Variants in PCDHA1 observed in about 807,000 individuals in gnomAD.
PCDHA1 encodes protocadherin alpha-1.
PCDHA1 carries 42 observed loss-of-function variants against 61.3 expected under a neutral mutation model. The observed-to-expected ratio is 0.69, with a 90% CI of 0.54 to 0.89. The LOEUF (loss-of-function observed/expected upper bound fraction) is 0.89, where lower values mean the gene tolerates loss of function less well. Ranked by LOEUF, PCDHA1 falls within the 40% of genes least tolerant of loss-of-function variation. PCDHA1 has a pLI of 0.00. For synonymous variants in PCDHA1, 610 were observed against 553.8 expected, an observed-to-expected ratio of 1.10 and a Z score of -1.43; for missense variants, 1,256 against 1,235.3, an observed-to-expected ratio of 1.02 and a Z score of -0.25.
chr5:140,809,166 C>A, intron 1 of PCDHA1: 2 of 1,613,942 alleles, frequency 1.2e-6, no homozygotes, highest in Non-Finnish European at 1.7e-6. Context: ...CCCGCGCTGA[C>A]GGCCACGGCC....
intron 1 of PCDHA1, among the ~76,000 whole-genome samples, chr5:140,940,440 G>T (rs1348385112): frequency 1.3e-5 from 2 of 151,928 alleles, no homozygotes; most frequent in Non-Finnish European, 2.9e-5. Flanking sequence ...AGTCTGCCAT[G>T]ATATTTTTTA....
chr5:140,801,933 A>G lies in PCDHA1; in HGVS notation c.2394+13249A>G, dbSNP rs1762815977. The G allele has an allele frequency of 4.3e-6, 7 of 1,614,226 alleles. No individual in the cohort carries two copies. In the East Asian group the frequency reaches 1.6e-4, roughly 36 times the overall value. ...CAACGCCCCAGCGTTTGAGAGGACG[A>G]TCTATAAAGTCAGATTACTCGAAAA... is the stretch of plus-strand genomic sequence containing the variant. On this transcript the variant is annotated intron_variant, in intron 1 of 3. Coordinates refer to ENST00000504120, the MANE Select transcript of PCDHA1 (RefSeq NM_018900.4).
At chr5:140,977,591 A>T (rs1267599253) in intron 1 of PCDHA1, among the ~76,000 whole-genome samples, 2 of 152,164 alleles carry the variant, frequency 1.3e-5, no homozygotes, top group African/African-American at 4.8e-5. Context: ...AGCAGTTAGC[A>T]TGTGAGGACC....
At chr5:140,980,728 A>T (rs1268236317) in intron 2 of PCDHA1, among the ~76,000 whole-genome samples, 1 of 152,168 alleles carries the variant, frequency 6.6e-6, no homozygotes, top group African/African-American at 2.4e-5. Context: ...TTCAATTAAG[A>T]TATTATGAGA....
At chr5:140,933,848 C>T (rs1176922942) in intron 1 of PCDHA1, among the ~76,000 whole-genome samples, 6 of 151,862 alleles carry the variant, frequency 4.0e-5, no homozygotes, top group African/African-American at 1.5e-4. Context: ...ATTCCTGTAC[C>T]TTTAATTTTT....
intron 1 of PCDHA1, among the ~76,000 whole-genome samples, chr5:140,800,567 G>A (rs1762574001): frequency 6.6e-6 from 1 of 151,946 alleles, no homozygotes; most frequent in South Asian, 2.1e-4. Flanking sequence ...AATGTAACTT[G>A]GGTGGTAAAG....
At chr5:140,830,240 C>T (rs2150183319) in intron 1 of PCDHA1, 2 of 1,613,944 alleles carry the variant, frequency 1.2e-6, no homozygotes, top group Non-Finnish European at 1.7e-6. Flanking sequence ...CACGCTACTG[C>T]TGTACACAGC....
chr5:140,881,218 T>G (rs997488208), intron 1 of PCDHA1: 10 of 230,756 alleles, frequency 4.3e-5, no homozygotes, highest in Non-Finnish European at 6.4e-5. Flanking sequence ...TGTTGTTTCT[T>G]GGAAAATTAA....
At chr5:140,980,094 TA>T (rs1554241421) in intron 2 of PCDHA1, among the ~76,000 whole-genome samples, 1 of 152,218 alleles carries the variant, frequency 6.6e-6, no homozygotes, top group African/African-American at 2.4e-5. Context: ...GTTGGCTTGG[TA>T]AGATGTCACA....
At position 140,787,907 on chromosome 5, in the gene PCDHA1, T is replaced by G. The variant is rs782284289; in HGVS notation, c.1617T>G (p.Asp539Glu). ...ELLQFQVSARDAGVPPLGSNV... is the reference protein window; with the variant it reads ...ELLQFQVSAREAGVPPLGSNV... The stretch of plus-strand genomic sequence containing the variant: ...TGCAGTTCCAGGTGAGCGCGCGGGA[T>G]GCGGGCGTGCCGCCTCTGGGCAGCA... Residue 539 changes from aspartate (D) to glutamate (E), a missense_variant, in exon 1 of 4, where the codon GAT becomes GAG. By Grantham distance (45) the Asp-to-Glu change is conservative. Transcript: ENST00000504120. 1.2e-6 allele frequency: 2 copies of G among 1,613,618 alleles called. No individual in the cohort carries two copies. The highest frequency in any genetic ancestry group is 1.7e-6 in the Non-Finnish European group (2 of 1,179,880).
At chr5:140,827,960 A>G (rs1769468579) in intron 1 of PCDHA1, 3 of 1,310,514 alleles carry the variant, frequency 2.3e-6, no homozygotes, top group Non-Finnish European at 3.1e-6. Context: ...AATTTCTTCT[A>G]TTACTGCATC....
rs185971380 is a variant in PCDHA1, at chr5:140,858,398, G to T, written c.2394+69714G>T. On this transcript the variant is annotated intron_variant, in intron 1 of 3. Transcript: ENST00000504120. ...ACCATGCCCAATGGTAGATGTGGAC[G>T]GGGAAGATCAGTCTATTGGAGGGGA... The T allele has an allele frequency of 3.4e-5, 54 of 1,574,020 alleles. No homozygotes were observed. In the East Asian group the frequency reaches 1.1e-3, roughly 32 times the overall value.
intron 1 of PCDHA1, among the ~76,000 whole-genome samples, chr5:140,941,270 T>TTTCC (rs1378866749): frequency 2.2e-5 from 3 of 136,668 alleles, no homozygotes; most frequent in Admixed American, 7.6e-5. Context: ...TCTTTCTTTC[T>TTTCC]TTCCTTCCTT....
At chr5:140,960,737 G>T (rs2095566221) in intron 1 of PCDHA1, among the ~76,000 whole-genome samples, 1 of 145,230 alleles carries the variant, frequency 6.9e-6, no homozygotes, top group South Asian at 2.2e-4. Context: ...CATGATTTTA[G>T]TCCATGGCTA....
chr5:140,978,545 T>C (rs1478928718), intron 1 of PCDHA1, among the ~76,000 whole-genome samples: 2 of 152,258 alleles, frequency 1.3e-5, no homozygotes, highest in Non-Finnish European at 2.9e-5. Context: ...TGTGTAGCCA[T>C]GTGCCCTGTT....
At chr5:140,871,662 A>G in intron 1 of PCDHA1, 1 of 1,211,512 alleles carries the variant, frequency 8.3e-7, no homozygotes, top group Non-Finnish European at 1.1e-6. Context: ...ACACATCTTC[A>G]GTCTTTTAAT....
chr5:140,824,302 G>A (rs1254375286), intron 1 of PCDHA1: 3 of 834,792 alleles, frequency 3.6e-6, no homozygotes, highest in East Asian at 2.5e-5. Flanking sequence ...TTCTGCTGGG[G>A]TAATAGATTC....
chr5:140,855,100 C>G (rs1054682058), intron 1 of PCDHA1, among the ~76,000 whole-genome samples: 2 of 149,782 alleles, frequency 1.3e-5, no homozygotes, highest in Non-Finnish European at 3.0e-5. Flanking sequence ...TGTGCAGTAG[C>G]AATAATTAAG....
At chr5:140,924,263 G>T (rs1292368780) in intron 1 of PCDHA1, among the ~76,000 whole-genome samples, 3 of 152,148 alleles carry the variant, frequency 2.0e-5, no homozygotes, top group African/African-American at 7.2e-5. Context: ...ATCTAATGAG[G>T]TCTGTACTTG....
Sources: allele counts gnomAD v4.1 joint callset (sites outside exome capture counted in the v4.1 genomes callset), GRCh38; gene constraint gnomAD v4.1.1; transcripts MANE v1.5; gene names NCBI Gene and HGNC (gene_info 2026-07-23, HGNC 2026-07-21).